BEND6: variants seen among roughly 807,000 people sequenced by gnomAD.
BEND6 encodes BEN domain containing 6, also known as BEN domain-containing protein 6.
A neutral mutation model predicts 31.8 loss-of-function variants in BEND6; 24 were observed. That is an observed-to-expected ratio of 0.75 (90% CI 0.55 to 1.06). The LOEUF (loss-of-function observed/expected upper bound fraction) is 1.06. Ranked by LOEUF, BEND6 falls within the 50% of genes least tolerant of loss-of-function variation. The probability of loss-of-function intolerance (pLI) is 0.00; values close to 1 mark genes in which losing one functional copy is unlikely to be tolerated. For synonymous variants in BEND6, 109 were observed against 114.6 expected (o/e 0.95, Z 0.31); for missense variants, 294 against 327.4 (o/e 0.90, Z 0.79).
chr6:56,996,498 C>G (rs1473595352), intron 3 of BEND6, among the ~76,000 whole-genome samples: 1 of 152,024 alleles, frequency 6.6e-6, no homozygotes, highest in Non-Finnish European at 1.5e-5. Flanking sequence ...AATCAATGAG[C>G]TATGATTGTC....
chr6:57,001,598 A>G (rs566703521), intron 3 of BEND6, among the ~76,000 whole-genome samples: 227 of 152,340 alleles, frequency 1.5e-3, no homozygotes, highest in Non-Finnish European at 2.6e-3. Context: ...CAGCATTCTT[A>G]AAACAAGAAG....
At chr6:56,972,086 C>CTGTCT (rs1825708870) in intron 1 of BEND6, among the ~76,000 whole-genome samples, 8 of 62,528 alleles carry the variant, frequency 1.3e-4, no homozygotes, top group Admixed American at 2.6e-4. Flanking sequence ...ACTTTACTTT[C>CTGTCT]TTTTTTTTTT....
At chr6:56,986,482 G>A (rs1354820546) in intron 2 of BEND6, among the ~76,000 whole-genome samples, 3 of 151,904 alleles carry the variant, frequency 2.0e-5, no homozygotes, top group South Asian at 2.1e-4. Context: ...ATAAAATAAA[G>A]GTTGAATGTA....
At chr6:57,004,447 C>T (rs960203308) in intron 3 of BEND6, 16 of 600,432 alleles carry the variant, frequency 2.7e-5, no homozygotes, top group Middle Eastern at 4.6e-4. Flanking sequence ...CTGCCCATAG[C>T]CAGCCCTCCG....
intron 1 of BEND6, among the ~76,000 whole-genome samples, chr6:56,969,472 G>A (rs1825612086): frequency 6.6e-6 from 1 of 152,106 alleles, no homozygotes; most frequent in South Asian, 2.1e-4. Context: ...TTATTTAGAG[G>A]GGAGTCTTCA....
intron 1 of BEND6, among the ~76,000 whole-genome samples, chr6:56,962,111 C>T (rs954975754): frequency 1.3e-5 from 2 of 152,066 alleles, no homozygotes; most frequent in African/African-American, 4.8e-5. Flanking sequence ...AGTTCAGCCT[C>T]CTCTCTCTCT....
chr6:57,023,677 C>T (rs900522992), intron 6 of BEND6, among the ~76,000 whole-genome samples: 1 of 152,200 alleles, frequency 6.6e-6, no homozygotes, highest in African/African-American at 2.4e-5. Flanking sequence ...GTGATCATGA[C>T]TCACTGCAGC....
chr6:56,975,567 C>A lies in BEND6; in HGVS notation c.-100-6144C>A, dbSNP rs181758713. On this transcript the variant is annotated intron_variant, in intron 1 of 6. Transcript: ENST00000370746. ...GCCTTTAAAACTTCATTGACAGGAG[C>A]AAATCCAGTATCCACTTATTTCTTC... The A allele has an allele frequency of 6.1e-3, 1,786 of 292,566 alleles. 8 individuals carry two copies. Among genetic ancestry groups the A allele is most frequent in the Non-Finnish European group, 8.7e-3 (1,261 of 145,030 alleles). The allele number at this position is 292,566 out of a possible 1,614,324, so 18.1% of individuals were successfully genotyped here.
intron 3 of BEND6, among the ~76,000 whole-genome samples, chr6:57,007,147 G>A (rs184212267): frequency 1.3e-3 from 193 of 152,160 alleles, no homozygotes; most frequent in Non-Finnish European, 2.1e-3. Context: ...AAATGAGCCT[G>A]GTGTGGTGGC....
At chr6:56,986,855 G>C (rs567731635) in intron 2 of BEND6, among the ~76,000 whole-genome samples, 1 of 152,210 alleles carries the variant, frequency 6.6e-6, no homozygotes, top group East Asian at 1.9e-4. Context: ...GGTCCATTGG[G>C]GATTCTATTG....
At chr6:57,008,022 A>G (rs1363841931) in intron 3 of BEND6, among the ~76,000 whole-genome samples, 1 of 152,240 alleles carries the variant, frequency 6.6e-6, no homozygotes, top group East Asian at 1.9e-4. Context: ...GCCTTCATGC[A>G]GTATAGCATT....
At chr6:57,024,661 G>T (rs1324071417) in intron 6 of BEND6, among the ~76,000 whole-genome samples, 2 of 152,140 alleles carry the variant, frequency 1.3e-5, no homozygotes, top group South Asian at 2.1e-4. Context: ...TGATGTTTGA[G>T]AATTTGTTAC....
At chr6:56,980,727 A>G (rs1826036678) in intron 1 of BEND6, among the ~76,000 whole-genome samples, 1 of 152,184 alleles carries the variant, frequency 6.6e-6, no homozygotes, top group African/African-American at 2.4e-5. Context: ...TAGGCAAAGA[A>G]TTATATTTTC....
chr6:56,956,935 C>G (rs758662074), intron 1 of BEND6, among the ~76,000 whole-genome samples: 8 of 152,210 alleles, frequency 5.3e-5, no homozygotes, highest in African/African-American at 1.7e-4. Context: ...CAAAACTGAA[C>G]TAACCGTGTG....
chr6:56,968,204 A>G (rs898799893), intron 1 of BEND6, among the ~76,000 whole-genome samples: 1 of 152,108 alleles, frequency 6.6e-6, no homozygotes, highest in African/African-American at 2.4e-5. Flanking sequence ...CTCCAGAAAG[A>G]TAAGAATGTT....
intron 6 of BEND6, among the ~76,000 whole-genome samples, chr6:57,021,775 C>T (rs180998157): frequency 1.3e-5 from 2 of 152,090 alleles, no homozygotes; most frequent in East Asian, 1.9e-4. Flanking sequence ...TAATCTCTGG[C>T]GTAATGTTAC....
At chr6:56,987,235 C>T (rs1826315868) in intron 2 of BEND6, among the ~76,000 whole-genome samples, 1 of 152,140 alleles carries the variant, frequency 6.6e-6, no homozygotes, top group African/African-American at 2.4e-5. Flanking sequence ...CCACCTCCGC[C>T]TCCCAAAGTA....
intron 6 of BEND6, among the ~76,000 whole-genome samples, chr6:57,023,427 A>G (rs766574121): frequency 3.9e-5 from 6 of 152,130 alleles, no homozygotes; most frequent in Non-Finnish European, 5.9e-5. Flanking sequence ...TTTACCTGAT[A>G]TAACTACTTC....
chr6:57,000,382 A>T (rs1330272151), intron 3 of BEND6, among the ~76,000 whole-genome samples: 1 of 152,134 alleles, frequency 6.6e-6, no homozygotes, highest in Non-Finnish European at 1.5e-5. Context: ...AGATGCTTGA[A>T]GGCAGCATGC....
Sources: gnomAD v4.1 joint callset for allele counts (sites outside exome capture counted in the v4.1 genomes callset) on GRCh38, gnomAD v4.1.1 for gene constraint, MANE v1.5 for transcripts, NCBI Gene and HGNC (gene_info 2026-07-23, HGNC 2026-07-21) for gene names.